PDRG1: variants seen among roughly 807,000 people sequenced by gnomAD.
PDRG1 encodes p53 and DNA damage-regulated protein 1.
A neutral mutation model predicts 18.4 loss-of-function variants in PDRG1; 14 were observed. That is an observed-to-expected ratio of 0.76 (90% CI 0.50 to 1.19). PDRG1 has a LOEUF of 1.19. Ranked by LOEUF, PDRG1 falls within the 50% of genes most tolerant of loss-of-function variation. The pLI is 0.00. For synonymous variants in PDRG1, 65 were observed against 60.9 expected, an observed-to-expected ratio of 1.07 and a Z score of -0.31; for missense variants, 177 against 160.1, an observed-to-expected ratio of 1.11 and a Z score of -0.57.
At chr20:31,946,342 G>A (rs1159101027) in intron 4 of PDRG1, among the ~76,000 whole-genome samples, 154 bp downstream of exon 4, 1 of 152,110 alleles carries the variant, frequency 6.6e-6, no homozygotes, top group Non-Finnish European at 1.5e-5. Context: ...TCCCTGGGCA[G>A]CTACAACCAA....
At position 31,944,488 on chromosome 20, in the gene PDRG1, G is replaced by A. The variant is rs551300380; in HGVS notation, c.*1319C>T. ...CCAACCCTGCAGGTGCTGTTCTGAGGGAATCACACTGTGCTTGCACAAAAA... is the reference window on the plus strand; with the variant it reads ...CCAACCCTGCAGGTGCTGTTCTGAGAGAATCACACTGTGCTTGCACAAAAA... On this transcript the variant is annotated 3_prime_UTR_variant, in exon 5 of 5. Transcript: ENST00000202017. The A allele has an allele frequency of 7.6e-4, 116 of 152,672 alleles. No homozygotes were observed. The highest frequency in any genetic ancestry group is 1.2e-3 in the Admixed American group (19 of 15,348). 9.5% of individuals were successfully genotyped at this position (152,672 alleles called of 1,614,324 possible). A position where few individuals can be genotyped will look rare whatever the true frequency, so the allele number is the denominator to read the frequency against.
chr20:31,951,865 G>T lies in PDRG1; in HGVS notation c.87+10C>A. 2.5e-6 allele frequency: 4 copies of T among 1,569,474 alleles called. No individual in the cohort carries two copies. Among genetic ancestry groups the T allele is most frequent in the Non-Finnish European group, 3.4e-6 (4 of 1,160,388 alleles). Reference sequence around the variant, plus strand: ...CCGCCAGGCCCCAGCGCCGCGGAGGGGCCTCTCACCTGCCGCTTGTCCGCC... The same window carrying T: ...CCGCCAGGCCCCAGCGCCGCGGAGGTGCCTCTCACCTGCCGCTTGTCCGCC... On this transcript the variant is annotated intron_variant, in intron 1 of 4. Coordinates refer to ENST00000202017, the MANE Select transcript of PDRG1 (RefSeq NM_030815.3).
At chr20:31,949,124 C>G (rs952709441) in intron 2 of PDRG1, among the ~76,000 whole-genome samples, 7 of 152,148 alleles carry the variant, frequency 4.6e-5, no homozygotes, top group African/African-American at 1.7e-4. Flanking sequence ...TTAATCATAG[C>G]AGGTAGTCTG....
chr20:31,946,563 C>G lies in PDRG1; in HGVS notation c.252G>C (p.Leu84=). ...TCCGCAGTTTTTCTATTTCTTTATC[C>G]AGATGATCTTGATCTGAAAAAATGA... is the stretch of plus-strand genomic sequence containing the variant. The part of the protein sequence containing the change: ...KEMIEKDQDH[L]DKEIEKLRKQ... Residue 84 remains leucine, a synonymous_variant, in exon 4 of 5, where the codon CTG becomes CTC. Transcript: ENST00000202017. 6.2e-7 allele frequency: 1 copy of G among 1,612,408 alleles called. No individual in the cohort carries two copies. The highest frequency in any genetic ancestry group is 8.5e-7 in the Non-Finnish European group (1 of 1,178,564).
At chr20:31,947,601 T>C (rs1462699184) in intron 3 of PDRG1, among the ~76,000 whole-genome samples, 1 of 152,238 alleles carries the variant, frequency 6.6e-6, no homozygotes, top group East Asian at 1.9e-4. Flanking sequence ...AGTAGTTTTA[T>C]GTCACTGGCC....
chr20:31,947,001 AG>A (rs934405376), intron 3 of PDRG1, among the ~76,000 whole-genome samples: 3 of 152,226 alleles, frequency 2.0e-5, no homozygotes, highest in African/African-American at 7.2e-5. Flanking sequence ...CATCAAGGTG[AG>A]GGGGTTTTAG....
intron 4 of PDRG1, 37 bp downstream of exon 4, chr20:31,946,459 C>T: frequency 6.5e-7 from 1 of 1,534,364 alleles, no homozygotes; most frequent in South Asian, 1.1e-5. Context: ...TGATGATTCC[C>T]TCCCCTTCTT....
chr20:31,948,785 G>C lies in PDRG1; in HGVS notation c.238+23C>G, dbSNP rs771385010. 20 of 1,606,700 alleles carry C rather than the reference G, an allele frequency of 1.2e-5. No homozygotes were observed. In the Admixed American group the frequency reaches 3.4e-4, roughly 27 times the overall value. On this transcript the variant is annotated intron_variant, in intron 3 of 4. Transcript: ENST00000202017. ...CTGGTGGGAGAGGCAGCACACCCCT[G>C]ACCCATCCCCAGGAGGCCTTACCTT...
At chr20:31,950,231 A>ATC (rs2123681133) in intron 2 of PDRG1, 81 bp downstream of exon 2, 5 of 1,107,490 alleles carry the variant, frequency 4.5e-6, no homozygotes, top group Non-Finnish European at 6.8e-6. Context: ...CTCCTGCCTG[A>ATC]TCTCTATCAG....
At chr20:31,947,360 T>A (rs568377735) in intron 3 of PDRG1, among the ~76,000 whole-genome samples, 57 of 152,326 alleles carry the variant, frequency 3.7e-4, no homozygotes, top group African/African-American at 1.3e-3. Context: ...GTTTAGCCTA[T>A]GTTGATCCCC....
intron 3 of PDRG1, 87 bp downstream of exon 3, chr20:31,948,721 G>A: frequency 1.6e-6 from 2 of 1,259,010 alleles, no homozygotes; most frequent in Non-Finnish European, 2.2e-6. Flanking sequence ...TCCTTACGCT[G>A]CCTGAAGCCT....
rs377211522 is a variant in PDRG1, at chr20:31,945,806, C to G, written c.*1G>C. The G allele has an allele frequency of 8.7e-6, 14 of 1,612,810 alleles. No homozygotes were observed. Among genetic ancestry groups the G allele is most frequent in the African/African-American group, 1.3e-5 (1 of 74,916 alleles). ...TGGTCCCCCATCTTGGTTCTTGAGT[C>G]TCATCCTTTCAAGATGACCTTGAGA... On this transcript the variant is annotated 3_prime_UTR_variant, in exon 5 of 5. Coordinates refer to ENST00000202017, the MANE Select transcript of PDRG1 (RefSeq NM_030815.3).
intron 2 of PDRG1, among the ~76,000 whole-genome samples, chr20:31,949,718 A>G (rs1185413829): frequency 1.3e-5 from 2 of 152,028 alleles, no homozygotes; most frequent in African/African-American, 4.8e-5. Flanking sequence ...GGACCTCTGG[A>G]TTTTACTCAG....
rs2064302072 is a variant in PDRG1, at chr20:31,945,112, C to T, written c.*695G>A. ...ACTTTCAGAGGGGGCGGAAGGGCAT[C>T]TTGACACGTGTCATATGGTAAGAGG... On this transcript the variant is annotated 3_prime_UTR_variant, in exon 5 of 5. Transcript: ENST00000202017. 1 of 152,292 alleles carries T rather than the reference C, an allele frequency of 6.6e-6. No individual in the cohort carries two copies. Among genetic ancestry groups the T allele is most frequent in the South Asian group, 2.1e-4 (1 of 4,830 alleles). The allele number at this position is 152,292 out of a possible 1,614,324, so 9.4% of individuals were successfully genotyped here.
At chr20:31,950,047 C>T (rs1214656774) in intron 2 of PDRG1, among the ~76,000 whole-genome samples, 2 of 152,192 alleles carry the variant, frequency 1.3e-5, no homozygotes, top group Admixed American at 6.5e-5. Context: ...GTTTTATACA[C>T]CCCCGGCACT....
At chr20:31,951,664 CCA>C (rs1600647201) in intron 1 of PDRG1, among the ~76,000 whole-genome samples, 2 of 152,326 alleles carry the variant, frequency 1.3e-5, no homozygotes, top group South Asian at 4.1e-4. Flanking sequence ...GGGTCGAGAT[CCA>C]CAGAGCATGG....
intron 1 of PDRG1, 54 bp downstream of exon 1, chr20:31,951,821 C>A: frequency 6.6e-7 from 1 of 1,514,428 alleles, no homozygotes; most frequent in Non-Finnish European, 8.8e-7. Flanking sequence ...CGACCCCGCG[C>A]GCTTTCCCAC....
rs938195003 is a variant in PDRG1, at chr20:31,945,520, A to C, written c.*287T>G. 2 of 312,428 alleles carry C rather than the reference A, an allele frequency of 6.4e-6. No homozygotes were observed. Among genetic ancestry groups the C allele is most frequent in the Non-Finnish European group, 1.2e-5 (2 of 167,502 alleles). 19.4% of individuals were successfully genotyped at this position (312,428 alleles called of 1,614,324 possible). The stretch of plus-strand genomic sequence containing the variant: ...GGAAGTGCCTGTTGCAGTCATTCTT[A>C]CACCCCCACAGCCACTGCCCCACAC... On this transcript the variant is annotated 3_prime_UTR_variant, in exon 5 of 5. Coordinates refer to ENST00000202017, the MANE Select transcript of PDRG1 (RefSeq NM_030815.3).
In PDRG1 at chr20:31,945,699, C is replaced by T. The variant is rs541455102; in HGVS notation, c.*108G>A. On this transcript the variant is annotated 3_prime_UTR_variant, in exon 5 of 5. Transcript: ENST00000202017. ...GTTTTCATGGCCAGATTCCTGACGG[C>T]TGGCCCCTTACAGGGCAGATCCTGT... The T allele has an allele frequency of 1.4e-4, 117 of 833,756 alleles. 1 individual carries two copies. The East Asian group carries it at 2.9e-3, about 21-fold the overall frequency. The allele number at this position is 833,756 out of a possible 1,614,324, so 51.6% of individuals were successfully genotyped here.
Sources: allele counts gnomAD v4.1 joint callset (sites outside exome capture counted in the v4.1 genomes callset), GRCh38; gene constraint gnomAD v4.1.1; transcripts MANE v1.5; gene names NCBI Gene and HGNC (gene_info 2026-07-23, HGNC 2026-07-21).